The following KCNK13 variants were observed in gnomAD, a reference collection of about 807,000 sequenced individuals.
The protein encoded by KCNK13 is potassium two pore domain channel subfamily K member 13, also known as potassium channel subfamily K member 13.
A neutral mutation model predicts 23.4 loss-of-function variants in KCNK13; 12 were observed. The ratio of observed to expected loss-of-function variants is 0.51; its 90% CI spans 0.33 to 0.83. KCNK13 has a LOEUF of 0.83. Ranked by LOEUF, KCNK13 falls within the 40% of genes least tolerant of loss-of-function variation. The pLI is 0.02. For synonymous variants in KCNK13, 231 were observed against 229.5 expected (o/e 1.01, Z -0.06); for missense variants, 463 against 556.3 (o/e 0.83, Z 1.69).
intron 1 of KCNK13, among the ~76,000 whole-genome samples, chr14:90,072,081 C>A (rs1889081966): frequency 6.6e-6 from 1 of 152,186 alleles, no homozygotes; most frequent in Non-Finnish European, 1.5e-5. Context: ...GAAGGCACCT[C>A]TGTCACAACC....
chr14:90,099,857 T>C (rs35636517), intron 1 of KCNK13, among the ~76,000 whole-genome samples: 41,604 of 152,028 alleles, frequency 0.27, 6,588 homozygotes, highest in African/African-American at 0.42. Flanking sequence ...CATAATTTTT[T>C]CTTCCAGGGG....
At chr14:90,134,439 T>C (rs1380046930) in intron 1 of KCNK13, among the ~76,000 whole-genome samples, 1 of 152,216 alleles carries the variant, frequency 6.6e-6, no homozygotes, top group South Asian at 2.1e-4. Flanking sequence ...CTTAGAAGAT[T>C]AGTCAGAACT....
At chr14:90,137,470 G>T (rs546610670) in intron 1 of KCNK13, among the ~76,000 whole-genome samples, 1 of 151,892 alleles carries the variant, frequency 6.6e-6, no homozygotes, top group Non-Finnish European at 1.5e-5. Flanking sequence ...ACAGGCGCCC[G>T]CCAACACGGC....
chr14:90,105,999 T>A (rs943560089), intron 1 of KCNK13, among the ~76,000 whole-genome samples: 26 of 152,140 alleles, frequency 1.7e-4, no homozygotes, highest in African/African-American at 6.3e-4. Context: ...CAAGTCCTGG[T>A]TGGGTCTGAA....
intron 1 of KCNK13, among the ~76,000 whole-genome samples, chr14:90,176,314 C>T (rs879736005): frequency 2.0e-5 from 3 of 152,070 alleles, no homozygotes; most frequent in Non-Finnish European, 4.4e-5. Context: ...GTCTGTCCAG[C>T]TTTGAGAGTT....
chr14:90,083,298 C>T (rs1889234826), intron 1 of KCNK13, among the ~76,000 whole-genome samples: 1 of 152,066 alleles, frequency 6.6e-6, no homozygotes, highest in Admixed American at 6.6e-5. Flanking sequence ...TTCTATTTTT[C>T]CTTTTGTTGC....
chr14:90,066,915 C>T (rs754874970), intron 1 of KCNK13, among the ~76,000 whole-genome samples: 4 of 152,234 alleles, frequency 2.6e-5, no homozygotes, highest in South Asian at 2.1e-4. Flanking sequence ...TGCCCATCAA[C>T]GGATGAATGA....
At chr14:90,130,900 T>G (rs966174854) in intron 1 of KCNK13, among the ~76,000 whole-genome samples, 6 of 152,170 alleles carry the variant, frequency 3.9e-5, no homozygotes, top group Non-Finnish European at 8.8e-5. Context: ...CAAAGTCGAG[T>G]ATGGTGGGAA....
intron 1 of KCNK13, among the ~76,000 whole-genome samples, chr14:90,113,939 A>G (rs1319478773): frequency 6.6e-6 from 1 of 152,102 alleles, no homozygotes; most frequent in Non-Finnish European, 1.5e-5. Flanking sequence ...TCTCAAAAGA[A>G]GAAGAAGAAA....
intron 1 of KCNK13, among the ~76,000 whole-genome samples, chr14:90,101,331 C>T (rs1452774853): frequency 1.3e-5 from 2 of 152,160 alleles, no homozygotes; most frequent in African/African-American, 4.8e-5. Context: ...CACGTCTCCA[C>T]TCATATCTTG....
intron 1 of KCNK13, among the ~76,000 whole-genome samples, chr14:90,175,651 C>T (rs1890414626): frequency 6.6e-6 from 1 of 152,186 alleles, no homozygotes; most frequent in East Asian, 1.9e-4. Context: ...CACTGAAAGT[C>T]CCAGACAGAA....
chr14:90,147,565 T>G (rs1222604241), intron 1 of KCNK13, among the ~76,000 whole-genome samples: 1 of 152,210 alleles, frequency 6.6e-6, no homozygotes, highest in Non-Finnish European at 1.5e-5. Flanking sequence ...TTGCCTTTTT[T>G]AATGTATAAG....
At chr14:90,067,013 G>A (rs560345740) in intron 1 of KCNK13, among the ~76,000 whole-genome samples, 1 of 152,362 alleles carries the variant, frequency 6.6e-6, no homozygotes, top group South Asian at 2.1e-4. Context: ...GCTCATGCCT[G>A]TAATCCCAAC....
intron 1 of KCNK13, among the ~76,000 whole-genome samples, chr14:90,129,231 A>G (rs930657016): frequency 2.0e-5 from 3 of 152,260 alleles, no homozygotes; most frequent in Middle Eastern, 6.8e-3. Flanking sequence ...TGAATATTCC[A>G]CAGTTTACTT....
chr14:90,123,580 C>A (rs945096605), intron 1 of KCNK13, among the ~76,000 whole-genome samples: 1 of 152,110 alleles, frequency 6.6e-6, no homozygotes, highest in Non-Finnish European at 1.5e-5. Context: ...TAACAGAAGG[C>A]AATAGAATGA....
At chr14:90,087,385 A>G (rs1448681560) in intron 1 of KCNK13, among the ~76,000 whole-genome samples, 5 of 152,018 alleles carry the variant, frequency 3.3e-5, no homozygotes, top group Admixed American at 6.6e-5. Context: ...GTAATTTTAT[A>G]CATTTTATTT....
At chr14:90,151,121 G>A (rs1462799474) in intron 1 of KCNK13, among the ~76,000 whole-genome samples, 2 of 152,110 alleles carry the variant, frequency 1.3e-5, no homozygotes, top group Non-Finnish European at 2.9e-5. Context: ...TATACTTCCT[G>A]TACAGCTGTG....
At chr14:90,095,106 T>A (rs1889396177) in intron 1 of KCNK13, among the ~76,000 whole-genome samples, 3 of 152,238 alleles carry the variant, frequency 2.0e-5, no homozygotes, top group Admixed American at 6.5e-5. Flanking sequence ...TTAAGCCCTT[T>A]TGGATGTTTG....
chr14:90,171,974 G>T (rs563443184), intron 1 of KCNK13, among the ~76,000 whole-genome samples: 1 of 152,110 alleles, frequency 6.6e-6, no homozygotes, highest in Non-Finnish European at 1.5e-5. Context: ...ATTCTGTCTT[G>T]CAGAACTCAG....
Sources: allele counts gnomAD v4.1 joint callset (sites outside exome capture counted in the v4.1 genomes callset), GRCh38; gene constraint gnomAD v4.1.1; transcripts MANE v1.5; gene names NCBI Gene and HGNC (gene_info 2026-07-23, HGNC 2026-07-21).